Variants in SVIL observed in about 807,000 individuals in gnomAD.
SVIL encodes archvillin.
A neutral mutation model predicts 240.4 loss-of-function variants in SVIL; 101 were observed. The observed-to-expected ratio is 0.42, with a 90% CI of 0.36 to 0.50. The LOEUF (loss-of-function observed/expected upper bound fraction) is 0.50. Among genes scored for constraint, SVIL ranks in the 20% least tolerant of loss-of-function variants. The pLI, the probability that SVIL is intolerant of heterozygous loss-of-function variation, is 0.01. For synonymous variants in SVIL, 999 were observed against 1,100.0 expected, an observed-to-expected ratio of 0.91 and a Z score of 1.82; for missense variants, 2,512 against 2,818.7, an observed-to-expected ratio of 0.89 and a Z score of 2.46.
intron 2 of SVIL, among the ~76,000 whole-genome samples, chr10:29,682,637 A>T (rs976993474): frequency 3.9e-5 from 6 of 152,248 alleles, no homozygotes; most frequent in African/African-American, 1.4e-4. Flanking sequence ...TGCATTTAGA[A>T]GGAAGAAGGA....
At chr10:29,696,167 T>C (rs1390799920) in intron 1 of SVIL, among the ~76,000 whole-genome samples, 2 of 151,912 alleles carry the variant, frequency 1.3e-5, no homozygotes, top group Admixed American at 6.5e-5. Context: ...TTGGCCAGAC[T>C]GGTCTCCAGC....
intron 29 of SVIL, among the ~76,000 whole-genome samples, chr10:29,476,012 G>T (rs1946155672): frequency 6.6e-6 from 1 of 152,130 alleles, no homozygotes; most frequent in African/African-American, 2.4e-5. Context: ...ACAGTATTTT[G>T]ACTAAGCACA....
At chr10:29,474,796 C>T (rs1232418259) in intron 29 of SVIL, among the ~76,000 whole-genome samples, 4 of 152,040 alleles carry the variant, frequency 2.6e-5, no homozygotes, top group Non-Finnish European at 4.4e-5. Context: ...GGAAAAAATG[C>T]AGGCTGTTAA....
At chr10:29,515,815 C>T (rs545140616) in intron 16 of SVIL, among the ~76,000 whole-genome samples, 4 of 152,162 alleles carry the variant, frequency 2.6e-5, no homozygotes, top group Non-Finnish European at 4.4e-5. Context: ...TGTCATCGGA[C>T]GATTTCCCTG....
Position 29,462,619 on chromosome 10 carries a change from A to G in SVIL, c.6278-218T>C, listed in dbSNP as rs575477749. ...AGTGACCTATAATCAACCTGAGTCT[A>G]TACTTCTTGAACCTAACAAAACGCT... On this transcript the variant is annotated intron_variant, in intron 35 of 37. Coordinates refer to ENST00000355867, the MANE Select transcript of SVIL (RefSeq NM_021738.3). Among the ~76,000 whole-genome samples the G allele has an allele frequency of 5.3e-5, 8 of 152,306 alleles. No homozygotes were observed. The East Asian group carries it at 1.5e-3, about 29-fold the overall frequency.
At chr10:29,629,149 G>A (rs1236081993) in intron 1 of SVIL, among the ~76,000 whole-genome samples, 1 of 152,118 alleles carries the variant, frequency 6.6e-6, no homozygotes, top group Non-Finnish European at 1.5e-5. Flanking sequence ...GATGAAACCT[G>A]AGGATGTTTT....
At chr10:29,553,117 C>CAT (rs1564628889) in intron 5 of SVIL, among the ~76,000 whole-genome samples, 21 of 104,124 alleles carry the variant, frequency 2.0e-4, no homozygotes, top group Non-Finnish European at 3.5e-4. Context: ...CCAAGCCCAG[C>CAT]CTTTTTTTTT....
intron 36 of SVIL, 39 bp from the exon 37 acceptor site, chr10:29,458,628 C>T (rs1254679406): frequency 1.3e-6 from 2 of 1,595,204 alleles, no homozygotes; most frequent in Non-Finnish European, 1.7e-6. Flanking sequence ...AGCTCGTGTC[C>T]TACATTTGAA....
At chr10:29,677,877 C>T (rs1195914005) in intron 2 of SVIL, among the ~76,000 whole-genome samples, 1 of 152,136 alleles carries the variant, frequency 6.6e-6, no homozygotes, top group Non-Finnish European at 1.5e-5. Flanking sequence ...TAATGTTCTA[C>T]CTTCAACTCA....
intron 1 of SVIL, among the ~76,000 whole-genome samples, chr10:29,615,409 T>C (rs1957394251): frequency 6.6e-6 from 1 of 152,266 alleles, no homozygotes; most frequent in East Asian, 1.9e-4. Flanking sequence ...CTGGATCAAA[T>C]GACAGATTTG....
chr10:29,486,608 C>T (rs370800490), intron 24 of SVIL, 51 bp from the exon 25 acceptor site: 1 of 1,606,092 alleles, frequency 6.2e-7, no homozygotes, highest in Admixed American at 1.7e-5. Flanking sequence ...CTTGGCTAGA[C>T]AGAGTGGCAC....
intron 17 of SVIL, among the ~76,000 whole-genome samples, chr10:29,506,692 CAGAGGCCCTACGAGGGAGGGGAT>C (rs1564535077): frequency 2.7e-5 from 3 of 109,666 alleles, no homozygotes; most frequent in African/African-American, 9.8e-5. Flanking sequence ...AGGGAGGGGA[CAGAGGCCCTACGAGGGAGGGGAT>C]AGAGACTCTA....
rs754307724 is a variant in SVIL at position 29,550,829 on chromosome 10, G to T, written c.595C>A (p.Leu199Met). ...VGDGSSDPEVLLNIENQRRGQ... is the reference protein window; with the variant it reads ...VGDGSSDPEVMLNIENQRRGQ... Reference sequence around the variant, plus strand: ...CGTCTTTGGTTTTCTATGTTCAGCAGCACCTCCGGGTCGGAAGAGCCGTCA... The same window carrying T: ...CGTCTTTGGTTTTCTATGTTCAGCATCACCTCCGGGTCGGAAGAGCCGTCA... The change falls in exon 6 of 38, where the codon CTG becomes ATG. Residue 199 changes from leucine (L) to methionine (M), a missense_variant. By Grantham distance (15) the Leu-to-Met change is conservative. This residue lies in a region of SVIL where 1,443 missense variants were observed against 1,486.6 expected (regional missense o/e 0.97). Coordinates refer to ENST00000355867, the MANE Select transcript of SVIL (RefSeq NM_021738.3). 1 of 1,614,156 alleles carries T rather than the reference G, an allele frequency of 6.2e-7. No individual in the cohort carries two copies.
rs376179810 is a variant in SVIL, at chr10:29,735,291, C to G, written c.-400+460G>C. 2.2e-4 allele frequency among the ~76,000 whole-genome samples: 33 copies of G among 151,882 alleles called. No individual in the cohort carries two copies. In the South Asian group the frequency reaches 6.9e-3, roughly 32 times the overall value. On this transcript the variant is annotated intron_variant, in intron 1 of 35. Transcript: ENST00000375400. The surrounding 1 kb of genome is among the most constrained non-coding windows in gnomAD (Gnocchi z 4.1). ...GAGCCACCGCAGCTCCGGCCACTTGCGGCTGGTGTCGGGAAAGGAACCGGG... is the reference window on the plus strand; with the variant it reads ...GAGCCACCGCAGCTCCGGCCACTTGGGGCTGGTGTCGGGAAAGGAACCGGG...
intron 2 of SVIL, among the ~76,000 whole-genome samples, chr10:29,564,238 T>G (rs1337229955): frequency 6.6e-6 from 1 of 152,152 alleles, no homozygotes; most frequent in Non-Finnish European, 1.5e-5. Context: ...ATCCTCAGTT[T>G]ACAGATCCGG....
chr10:29,458,723 G>A (rs755949280), intron 36 of SVIL, 134 bp from the exon 37 acceptor site: 21 of 909,450 alleles, frequency 2.3e-5, no homozygotes, highest in Non-Finnish European at 3.3e-5. Context: ...TCACTGAGGA[G>A]GAAATGGCTC....
At chr10:29,723,362 G>A (rs1442880784) in intron 1 of SVIL, among the ~76,000 whole-genome samples, 2 of 152,152 alleles carry the variant, frequency 1.3e-5, no homozygotes, top group African/African-American at 2.4e-5. Context: ...CCTGGGTTAC[G>A]GAGTGAGATC....
At chr10:29,593,414 C>T (rs1257165774) in intron 1 of SVIL, among the ~76,000 whole-genome samples, 1 of 152,164 alleles carries the variant, frequency 6.6e-6, no homozygotes, top group East Asian at 1.9e-4. Flanking sequence ...GAGCATTTCT[C>T]ACTCCCCATC....
intron 1 of SVIL, among the ~76,000 whole-genome samples, chr10:29,611,746 A>G (rs575062356): frequency 2.6e-5 from 4 of 152,328 alleles, no homozygotes; most frequent in Admixed American, 2.6e-4. Context: ...CGAAGCTGCT[A>G]CTTACGAGAA....
Sources: gnomAD v4.1 joint callset for allele counts (sites outside exome capture counted in the v4.1 genomes callset) on GRCh38, gnomAD v4.1.1 for gene constraint, gnomAD v4.1.1 regional missense constraint, Gnocchi (gnomAD v3.1) non-coding constraint, MANE v1.5 for transcripts, NCBI Gene and HGNC (gene_info 2026-07-23, HGNC 2026-07-21) for gene names.